Variants in SNRPN observed in about 807,000 individuals in gnomAD.
SNRPN encodes the protein small nuclear ribonucleoprotein polypeptide N, also known as small nuclear ribonucleoprotein-associated protein N.
Under a neutral mutation model 25.2 loss-of-function variants are expected in SNRPN, and 7 were observed. The ratio of observed to expected loss-of-function variants is 0.28; its 90% CI spans 0.16 to 0.52. The LOEUF (loss-of-function observed/expected upper bound fraction) is 0.52, where lower values mean the gene tolerates loss of function less well. Among genes scored for constraint, SNRPN ranks in the 20% least tolerant of loss-of-function variants. The pLI is 0.96. For missense variants in SNRPN, 196 were observed against 322.5 expected, an observed-to-expected ratio of 0.61 and a Z score of 3.00; for synonymous variants, 124 against 110.6, an observed-to-expected ratio of 1.12 and a Z score of -0.76.
chr15:24,930,050 G>A (rs2060700473), intron 3 of SNRPN, among the ~76,000 whole-genome samples: 1 of 151,976 alleles, frequency 6.6e-6, no homozygotes, highest in East Asian at 1.9e-4. Flanking sequence ...CTCTGGGCGT[G>A]GTGGCAGGTG....
intron 1 of SNRPN, among the ~76,000 whole-genome samples, chr15:24,876,558 A>G (rs2149233850): frequency 6.7e-6 from 1 of 149,468 alleles, no homozygotes; most frequent in Non-Finnish European, 1.5e-5. Context: ...CAGAGGTTGC[A>G]GTGAGCTGAG....
At position 24,837,402 on chromosome 15, in the gene SNRPN, G is replaced by C. The variant is rs565530800; in HGVS notation, c.-579+7497G>C. Among the ~76,000 whole-genome samples, 883 of 148,318 alleles carry C rather than the reference G, an allele frequency of 6.0e-3. 6 individuals carry two copies. The highest frequency in any genetic ancestry group is 7.4e-3 in the Non-Finnish European group (498 of 67,538). On this transcript the variant is annotated intron_variant, in intron 2 of 12. Transcript: ENST00000400100. ...TTTTTTTTTGAGGTGGAGTCTCACT[G>C]TGTAGCCCAGGCTGGAGTGCAGTGG...
chr15:24,895,671 T>G lies in SNRPN; in HGVS notation c.-505+9082T>G, dbSNP rs371293886. Among the ~76,000 whole-genome samples the G allele has an allele frequency of 5.6e-4, 86 of 152,310 alleles. 1 individual carries two copies. In the South Asian group the frequency reaches 0.017, roughly 30 times the overall value. On this transcript the variant is annotated intron_variant, in intron 2 of 11. Coordinates refer to the SNRPN transcript ENST00000400097. ...ACAGTATAAACAAGACACCTCAGTA[T>G]GAAAACGTTCTGCCGTTACAAAGGT...
At chr15:24,957,585 A>G (rs948541522) in intron 1 of SNRPN, among the ~76,000 whole-genome samples, 1 of 152,138 alleles carries the variant, frequency 6.6e-6, no homozygotes, top group Non-Finnish European at 1.5e-5. Flanking sequence ...TTTTCCCTCT[A>G]TCATAACTGG....
At chr15:24,844,033 G>C (rs1168573260) in intron 2 of SNRPN, among the ~76,000 whole-genome samples, 2 of 151,826 alleles carry the variant, frequency 1.3e-5, no homozygotes, top group Non-Finnish European at 2.9e-5. Context: ...TTCCAAAGTG[G>C]CTATCATTTT....
upstream of SNRPN, among the ~76,000 whole-genome samples, chr15:24,852,668 A>G (rs2052976062): frequency 6.6e-6 from 1 of 152,198 alleles, no homozygotes; most frequent in African/African-American, 2.4e-5. Context: ...TATAATCCCA[A>G]CACTTTGGGA....
chr15:24,855,663 G>A (rs903624815), upstream of SNRPN, among the ~76,000 whole-genome samples: 2 of 151,796 alleles, frequency 1.3e-5, no homozygotes, highest in Non-Finnish European at 2.9e-5. Context: ...ATGCTGGCGG[G>A]CACCTGTAAT....
At position 24,826,351 on chromosome 15, in the gene SNRPN, G is replaced by T. The variant is rs139771932; in HGVS notation, c.-687+2501G>T. Among the ~76,000 whole-genome samples the T allele has an allele frequency of 6.0e-3, 913 of 152,148 alleles. 15 individuals are homozygous for T. Among genetic ancestry groups the T allele is most frequent in the African/African-American group, 0.021 (890 of 41,434 alleles). ...AAAGTCCTTGCTGCTCCACAGCAGG[G>T]AACTCTCTTGAAGCAATAACATGAG... On this transcript the variant is annotated intron_variant, in intron 1 of 12. Transcript: ENST00000400100.
chr15:24,958,319 C>T (rs1272721434), intron 1 of SNRPN, among the ~76,000 whole-genome samples: 1 of 151,312 alleles, frequency 6.6e-6, no homozygotes, highest in Non-Finnish European at 1.5e-5. Flanking sequence ...GTTGTGAGTA[C>T]TGCCCTCAAT....
chr15:24,891,008 C>T (rs2057624492), intron 2 of SNRPN, among the ~76,000 whole-genome samples: 2 of 151,798 alleles, frequency 1.3e-5, no homozygotes, highest in East Asian at 2.0e-4. Flanking sequence ...CCACCCAGGT[C>T]CAATCAGTTC....
At chr15:24,842,887 T>C (rs111667746) in intron 2 of SNRPN, among the ~76,000 whole-genome samples, 4 of 152,348 alleles carry the variant, frequency 2.6e-5, no homozygotes, top group African/African-American at 7.2e-5. Context: ...CCATATTTAG[T>C]TTTGGAAATT....
rs145048197 is a variant in SNRPN at position 24,918,852 on chromosome 15, T to A, written c.-504-1159T>A. On this transcript the variant is annotated intron_variant, in intron 2 of 11. Transcript: ENST00000400097. ...TATATATAATATATATATGCGCACA[T>A]ATATATAACAATATATATATGTGCA... Among the ~76,000 whole-genome samples, 99 of 98,540 alleles carry A rather than the reference T, an allele frequency of 1.0e-3. 8 individuals carry two copies. The highest frequency in any genetic ancestry group is 4.8e-3 in the East Asian group (15 of 3,126). The allele number at this position is 98,540 out of a possible 152,430, so 64.6% of individuals were successfully genotyped here. A position where few individuals can be genotyped will look rare whatever the true frequency, so the allele number is the denominator to read the frequency against.
chr15:24,873,981 G>T (rs1487141833), intron 1 of SNRPN, among the ~76,000 whole-genome samples: 1 of 138,510 alleles, frequency 7.2e-6, no homozygotes, highest in Non-Finnish European at 1.5e-5. Flanking sequence ...CACTCCATGA[G>T]AAAAAAACAA....
chr15:24,929,661 C>T lies in SNRPN; in HGVS notation c.-391+9537C>T, dbSNP rs954329295. 2.6e-5 allele frequency among the ~76,000 whole-genome samples: 4 copies of T among 151,950 alleles called. No homozygotes were observed. The highest frequency in any genetic ancestry group is 5.9e-5 in the Non-Finnish European group (4 of 68,008). On this transcript the variant is annotated intron_variant, in intron 3 of 11. Coordinates refer to the SNRPN transcript ENST00000400097. This position sits in a 1 kb window ranked among gnomAD's most constrained non-coding sequence, Gnocchi z 5.3. Reference sequence around the variant, plus strand: ...GCCAACTCTCTATGGGGCTGCCACACGACTTCCTAAAAAGGCATAAACACA... The same window carrying T: ...GCCAACTCTCTATGGGGCTGCCACATGACTTCCTAAAAAGGCATAAACACA...
At chr15:24,870,705 T>TC (rs1393001171) in intron 1 of SNRPN, among the ~76,000 whole-genome samples, 1 of 151,936 alleles carries the variant, frequency 6.6e-6, no homozygotes, top group Non-Finnish European at 1.5e-5. Context: ...GTCAGTTCTT[T>TC]CCCCCGCCTC....
At chr15:24,973,777 C>T (rs1411194169) in intron 3 of SNRPN, among the ~76,000 whole-genome samples, 1 of 152,056 alleles carries the variant, frequency 6.6e-6, no homozygotes, top group Non-Finnish European at 1.5e-5. Context: ...ATATATATTC[C>T]ATAGTCATGT....
chr15:24,864,280 G>T (rs974674589), intron 1 of SNRPN, among the ~76,000 whole-genome samples: 2 of 149,022 alleles, frequency 1.3e-5, no homozygotes, highest in Admixed American at 6.7e-5. Context: ...CGCCCGCCTC[G>T]GCCTCCCAAA....
intron 2 of SNRPN, among the ~76,000 whole-genome samples, chr15:24,840,591 T>C (rs2051604631): frequency 6.6e-6 from 1 of 152,176 alleles, no homozygotes; most frequent in Admixed American, 6.5e-5. Context: ...AAGGGTTCCA[T>C]TCAAAGTGTG....
intron 1 of SNRPN, among the ~76,000 whole-genome samples, chr15:24,826,808 T>A (rs561531381): frequency 1.2e-3 from 183 of 152,044 alleles, no homozygotes; most frequent in Admixed American, 2.7e-3. Context: ...TAAACTAGAG[T>A]CACGCATTGA....
Sources: gnomAD v4.1 joint callset for allele counts (sites outside exome capture counted in the v4.1 genomes callset) on GRCh38, gnomAD v4.1.1 for gene constraint, Gnocchi (gnomAD v3.1) non-coding constraint, MANE v1.5 for transcripts, NCBI Gene and HGNC (gene_info 2026-07-23, HGNC 2026-07-21) for gene names.